Variants in MAP2 observed in about 807,000 individuals in gnomAD.
MAP2 encodes the protein microtubule-associated protein 2.
MAP2 carries 14 observed loss-of-function variants against 137.6 expected under a neutral mutation model. That is an observed-to-expected ratio of 0.10 (90% CI 0.07 to 0.16). The LOEUF is 0.16. Ranked by LOEUF, MAP2 falls within the 10% of genes least tolerant of loss-of-function variation. The pLI is 1.00. For missense variants in MAP2, 2,088 were observed against 2,191.5 expected (o/e 0.95, Z 0.94); for synonymous variants, 786 against 782.3 (o/e 1.00, Z -0.08).
At chr2:209,652,436 A>G (rs1432015917) in intron 4 of MAP2, among the ~76,000 whole-genome samples, 1 of 152,170 alleles carries the variant, frequency 6.6e-6, no homozygotes, top group African/African-American at 2.4e-5. Context: ...AGGGTCCAGG[A>G]AAGTTTATCA....
At chr2:209,615,546 A>C (rs897077034) in intron 3 of MAP2, among the ~76,000 whole-genome samples, 1 of 152,200 alleles carries the variant, frequency 6.6e-6, no homozygotes, top group African/African-American at 2.4e-5. Context: ...ATTTTCCACA[A>C]TTGTCAAAGC....
intron 1 of MAP2, among the ~76,000 whole-genome samples, chr2:209,472,792 C>G (rs1010956853): frequency 6.6e-6 from 1 of 152,038 alleles, no homozygotes; most frequent in Admixed American, 6.6e-5. Context: ...TATCCAAGAA[C>G]AGTCAACTGT....
chr2:209,711,802 A>G (rs1425153177), intron 13 of MAP2, among the ~76,000 whole-genome samples: 1 of 152,160 alleles, frequency 6.6e-6, no homozygotes, highest in African/African-American at 2.4e-5. Flanking sequence ...GCCTTGGACA[A>G]GCTATCCTCT....
chr2:209,688,747 A>G (rs923218055), intron 7 of MAP2, among the ~76,000 whole-genome samples: 6 of 152,230 alleles, frequency 3.9e-5, no homozygotes, highest in African/African-American at 1.4e-4. Flanking sequence ...AAAAAAAGGT[A>G]CAGCTAAATA....
chr2:209,498,270 A>G (rs2059983952), intron 1 of MAP2, among the ~76,000 whole-genome samples: 1 of 152,210 alleles, frequency 6.6e-6, no homozygotes, highest in South Asian at 2.1e-4. Context: ...TCTTACATCC[A>G]CAGCACACTG....
intron 2 of MAP2, among the ~76,000 whole-genome samples, chr2:209,535,977 T>C (rs943672692): frequency 2.6e-5 from 4 of 152,188 alleles, no homozygotes; most frequent in Non-Finnish European, 5.9e-5. Context: ...GTTGTAAACC[T>C]AGAATGAATT....
chr2:209,433,761 CTG>C (rs1429665862), intron 1 of MAP2, among the ~76,000 whole-genome samples: 3 of 151,980 alleles, frequency 2.0e-5, no homozygotes, highest in African/African-American at 7.2e-5. Flanking sequence ...GTAACTCAAA[CTG>C]TGTCATTTTT....
intron 1 of MAP2, among the ~76,000 whole-genome samples, chr2:209,487,464 G>A (rs567953161): frequency 3.3e-4 from 50 of 152,288 alleles, no homozygotes; most frequent in African/African-American, 1.1e-3. Context: ...CTAGGTTGTG[G>A]TATTAATCTT....
At position 209,697,120 on chromosome 2, in the gene MAP2, G is replaced by A. The variant is rs561386476; in HGVS notation, c.4522+69G>A. 6.4e-6 allele frequency: 9 copies of A among 1,412,092 alleles called. 1 individual carries two copies. The East Asian group carries it at 1.9e-4, about 30-fold the overall frequency. 87.5% of individuals were successfully genotyped at this position (1,412,092 alleles called of 1,614,324 possible). A position where few individuals can be genotyped will look rare whatever the true frequency, so the allele number is the denominator to read the frequency against. ...TATTTTTTTTTTAAATCTCATTACT[G>A]TAGCAGCTTCTTCATTTTGTTTTTC... On this transcript the variant is annotated intron_variant, in intron 10 of 15. Transcript: ENST00000682079.
intron 13 of MAP2, among the ~76,000 whole-genome samples, chr2:209,720,538 C>G (rs1293164365): frequency 6.7e-6 from 1 of 149,436 alleles, no homozygotes; most frequent in Non-Finnish European, 1.5e-5. Context: ...ACTCAGGAAG[C>G]TGAGGCAGGA....
chr2:209,479,000 T>C (rs1708077074), intron 1 of MAP2, among the ~76,000 whole-genome samples: 1 of 152,220 alleles, frequency 6.6e-6, no homozygotes, highest in Non-Finnish European at 1.5e-5. Flanking sequence ...AGTAGTTTTA[T>C]TTGTTGAGAA....
At chr2:209,642,776 T>A (rs2094137246) in intron 4 of MAP2, among the ~76,000 whole-genome samples, 1 of 152,212 alleles carries the variant, frequency 6.6e-6, no homozygotes, top group Non-Finnish European at 1.5e-5. Flanking sequence ...TTCCTCTGTT[T>A]TTCTTAGAAG....
intron 2 of MAP2, among the ~76,000 whole-genome samples, chr2:209,518,283 G>A (rs551200105): frequency 6.6e-6 from 1 of 152,128 alleles, no homozygotes; most frequent in Non-Finnish European, 1.5e-5. Flanking sequence ...AATACATGAT[G>A]ATACAATCAA....
chr2:209,582,683 AT>A (rs1158957071), intron 3 of MAP2, among the ~76,000 whole-genome samples: 4 of 151,934 alleles, frequency 2.6e-5, no homozygotes, highest in Non-Finnish European at 5.9e-5. Flanking sequence ...AGATAGATAG[AT>A]AGATAGATAG....
intron 1 of MAP2, among the ~76,000 whole-genome samples, chr2:209,466,767 G>C (rs1704228701): frequency 6.6e-6 from 1 of 152,188 alleles, no homozygotes; most frequent in African/African-American, 2.4e-5. Context: ...AAAAGAACTT[G>C]TGGAGTTTCT....
intron 1 of MAP2, among the ~76,000 whole-genome samples, chr2:209,448,264 G>A (rs561502032): frequency 6.6e-6 from 1 of 152,190 alleles, no homozygotes; most frequent in African/African-American, 2.4e-5. Flanking sequence ...ATAATCACTT[G>A]AGGTTGGGAG....
chr2:209,566,256 C>G (rs901363791), intron 2 of MAP2, among the ~76,000 whole-genome samples: 5 of 152,196 alleles, frequency 3.3e-5, no homozygotes, highest in Non-Finnish European at 7.3e-5. Flanking sequence ...CTTGCTGTAT[C>G]TAGCAAATTC....
chr2:209,615,744 A>ATTT, intron 3 of MAP2, among the ~76,000 whole-genome samples: 1 of 152,268 alleles, frequency 6.6e-6, no homozygotes, highest in East Asian at 1.9e-4. Context: ...TACATGTTAA[A>ATTT]TCCTCTGACT....
intron 2 of MAP2, among the ~76,000 whole-genome samples, chr2:209,527,390 A>G (rs905186186): frequency 2.0e-5 from 3 of 152,140 alleles, no homozygotes; most frequent in Non-Finnish European, 2.9e-5. Context: ...TTGGCACATC[A>G]TAGTTGCTCA....
Sources: gnomAD v4.1 joint callset for allele counts (sites outside exome capture counted in the v4.1 genomes callset) on GRCh38, gnomAD v4.1.1 for gene constraint, MANE v1.5 for transcripts, NCBI Gene and HGNC (gene_info 2026-07-23, HGNC 2026-07-21) for gene names.